The following SH3PXD2A variants were observed in gnomAD, a reference collection of about 807,000 sequenced individuals.
SH3PXD2A encodes the protein SH3 and PX domain-containing protein 2A.
Under a neutral mutation model 115.2 loss-of-function variants are expected in SH3PXD2A, and 32 were observed. The ratio of observed to expected loss-of-function variants is 0.28; its 90% CI spans 0.21 to 0.37. SH3PXD2A has a LOEUF of 0.37. Ranked by LOEUF, SH3PXD2A falls within the 10% of genes least tolerant of loss-of-function variation. The pLI, the probability that SH3PXD2A is intolerant of heterozygous loss-of-function variation, is 1.00. For synonymous variants in SH3PXD2A, 610 were observed against 629.1 expected (o/e 0.97, Z 0.45); for missense variants, 1,328 against 1,498.7 (o/e 0.89, Z 1.88).
Position 103,765,070 on chromosome 10 carries a change from C to G in SH3PXD2A, c.229+2024G>C, listed in dbSNP as rs952325005. Among the ~76,000 whole-genome samples the G allele has an allele frequency of 5.9e-5, 9 of 152,292 alleles. No homozygotes were observed. In the South Asian group the frequency reaches 1.7e-3, roughly 28 times the overall value. On this transcript the variant is annotated intron_variant, in intron 3 of 14. Transcript: ENST00000369774. ...TTATTTTATGCTTGAAACAGCCCCA[C>G]GAAGTACATTCTATCATTATCCCCA...
chr10:103,626,365 C>T (rs1350226954), intron 9 of SH3PXD2A, among the ~76,000 whole-genome samples: 1 of 152,222 alleles, frequency 6.6e-6, no homozygotes, highest in Non-Finnish European at 1.5e-5. Context: ...CCATCCCCAC[C>T]AACCGTTAGG....
At chr10:103,810,941 G>GGCGC (rs1201418207) in intron 1 of SH3PXD2A, among the ~76,000 whole-genome samples, 1 of 4,256 alleles carries the variant, frequency 2.3e-4, no homozygotes, top group African/African-American at 7.4e-4. Flanking sequence ...CATGGACACA[G>GGCGC]GCGCGCGCGC....
chr10:103,764,375 G>A (rs2134221354), intron 3 of SH3PXD2A, among the ~76,000 whole-genome samples: 1 of 152,262 alleles, frequency 6.6e-6, no homozygotes, highest in South Asian at 2.1e-4. Context: ...CCTGGAGAGT[G>A]AGTGAGCTGA....
chr10:103,805,140 C>T (rs2039188998), intron 1 of SH3PXD2A, among the ~76,000 whole-genome samples: 1 of 152,240 alleles, frequency 6.6e-6, no homozygotes, highest in African/African-American at 2.4e-5. Context: ...CACACATCCT[C>T]CATCCCACTA....
intron 6 of SH3PXD2A, among the ~76,000 whole-genome samples, chr10:103,684,861 T>C (rs2037657241): frequency 6.6e-6 from 1 of 151,410 alleles, no homozygotes; most frequent in Non-Finnish European, 1.5e-5. Flanking sequence ...AGACCCTGTC[T>C]CTACAAAAAC....
At chr10:103,795,199 T>C (rs118183993) in intron 2 of SH3PXD2A, among the ~76,000 whole-genome samples, 4,094 of 152,350 alleles carry the variant, frequency 0.027, 74 homozygotes, top group Non-Finnish European at 0.039. Context: ...TTTATTTCAT[T>C]TAATTTTTAA....
Position 103,602,825 on chromosome 10 carries a change from T to C in SH3PXD2A, c.2393A>G (p.Glu798Gly). Residue 798 changes from glutamate to glycine, a missense_variant, in exon 15 of 15, where the codon GAG becomes GGG. Around this residue, in one of 5 missense-constraint regions of SH3PXD2A, gnomAD observed 574 missense variants for 565.7 expected, o/e 1.01. Coordinates refer to ENST00000369774, the MANE Select transcript of SH3PXD2A (RefSeq NM_001394015.1). ...LRGGLKGSKS[E>G]DSELPPQTAS... ...CGTCTGCGGGGGCAGCTCCGAATCC[T>C]CACTCTTGGAGCCCTTGAGCCCTCC... 1 of 1,614,122 alleles carries C rather than the reference T, an allele frequency of 6.2e-7. No homozygotes were observed. Among genetic ancestry groups the C allele is most frequent in the South Asian group, 1.1e-5 (1 of 91,074 alleles).
In SH3PXD2A at chr10:103,622,557, G is replaced by A; in HGVS notation, c.719-4C>T. 2.6e-6 allele frequency: 4 copies of A among 1,548,192 alleles called. No homozygotes were observed. Among genetic ancestry groups the A allele is most frequent in the Non-Finnish European group, 3.5e-6 (4 of 1,144,972 alleles). On this transcript the variant is annotated splice_polypyrimidine_tract_variant and splice_region_variant and intron_variant, in intron 9 of 14. Coordinates refer to ENST00000369774, the MANE Select transcript of SH3PXD2A (RefSeq NM_001394015.1). ...TGGGCCTTGCGTCTCTTGGACACTG[G>A]TGTGGGAGATGGCGATGGAGCATGC...
chr10:103,687,880 C>T (rs2037699186), intron 6 of SH3PXD2A, among the ~76,000 whole-genome samples: 1 of 152,202 alleles, frequency 6.6e-6, no homozygotes, highest in African/African-American at 2.4e-5. Flanking sequence ...CCTACTGCAT[C>T]ATGAGCAGCC....
At position 103,826,831 on chromosome 10, in the gene SH3PXD2A, A is replaced by C. The variant is rs561446898; in HGVS notation, c.73-25469T>G. ...TTAATAAATGCTGGTTGGAAGAGCA[A>C]AAGATCAGATGAGATAACGGACATG... On this transcript the variant is annotated intron_variant, in intron 1 of 14. Transcript: ENST00000369774. Among the ~76,000 whole-genome samples the C allele has an allele frequency of 2.5e-4, 38 of 152,346 alleles. 1 individual carries two copies. In the East Asian group the frequency reaches 2.5e-3, roughly 10 times the overall value.
At chr10:103,616,317 T>C (rs2036517936) in intron 11 of SH3PXD2A, among the ~76,000 whole-genome samples, 1 of 152,076 alleles carries the variant, frequency 6.6e-6, no homozygotes, top group African/African-American at 2.4e-5. Flanking sequence ...TATAGGACTA[T>C]CCCTGTCAGC....
At chr10:103,664,206 C>T (rs1318706754) in intron 7 of SH3PXD2A, among the ~76,000 whole-genome samples, 3 of 152,318 alleles carry the variant, frequency 2.0e-5, no homozygotes, top group Middle Eastern at 3.4e-3. Context: ...CCTCCTTTCC[C>T]AGTGTGGGGG....
chr10:103,604,252 G>C (rs545480620), intron 14 of SH3PXD2A, among the ~76,000 whole-genome samples: 1 of 152,342 alleles, frequency 6.6e-6, no homozygotes, highest in South Asian at 2.1e-4. Flanking sequence ...GGAAGATGCA[G>C]ATGAAGTGAC....
At chr10:103,647,833 G>A (rs745475950) in intron 8 of SH3PXD2A, among the ~76,000 whole-genome samples, 28 of 152,138 alleles carry the variant, frequency 1.8e-4, no homozygotes, top group Non-Finnish European at 2.9e-4. Context: ...CCAGTGCTCC[G>A]GAGCAGCGTC....
intron 3 of SH3PXD2A, among the ~76,000 whole-genome samples, chr10:103,766,263 G>C (rs1028547228): frequency 2.0e-5 from 3 of 152,322 alleles, no homozygotes; most frequent in South Asian, 2.1e-4. Context: ...GCAGGTCCAG[G>C]GCCAGTCTGA....
intron 1 of SH3PXD2A, among the ~76,000 whole-genome samples, chr10:103,801,563 A>T (rs1040905041): frequency 6.6e-6 from 1 of 151,778 alleles, no homozygotes; most frequent in Admixed American, 6.6e-5. Context: ...ACACACACAC[A>T]CACATACCCC....
At position 103,613,193 on chromosome 10, in the gene SH3PXD2A, G is replaced by A; in HGVS notation, c.921-3C>T. The A allele has an allele frequency of 6.3e-7, 1 of 1,586,176 alleles. No individual in the cohort carries two copies. The highest frequency in any genetic ancestry group is 1.2e-5 in the South Asian group (1 of 85,230). On this transcript the variant is annotated splice_polypyrimidine_tract_variant and splice_region_variant and intron_variant, in intron 11 of 14. Transcript: ENST00000369774. ...CCCAGCCCTCTTTGCCCAGGTATCT[G>A]TGGGGAGGAGCAGGATGTGCTATCA...
Position 103,661,797 on chromosome 10 carries a change from C to T in SH3PXD2A, c.473-683G>A, listed in dbSNP as rs137904696. ...CCCTTAAATAGAAACACATGAGACC[C>T]GTCGAATGAGGAGCCGGGGGTGGAG... On this transcript the variant is annotated intron_variant, in intron 7 of 14. Transcript: ENST00000369774. 2.5e-4 allele frequency: 250 copies of T among 985,172 alleles called. 1 individual carries two copies. Among genetic ancestry groups the T allele is most frequent in the South Asian group, 2.5e-3 (53 of 21,272 alleles). 61.0% of individuals were successfully genotyped at this position (985,172 alleles called of 1,614,324 possible).
chr10:103,691,326 T>C (rs1434857627), intron 6 of SH3PXD2A, among the ~76,000 whole-genome samples: 1 of 152,096 alleles, frequency 6.6e-6, no homozygotes, highest in East Asian at 1.9e-4. Context: ...CAGATAACAT[T>C]AGCATTTTTG....
Sources: allele counts gnomAD v4.1 joint callset (sites outside exome capture counted in the v4.1 genomes callset), GRCh38; gene constraint gnomAD v4.1.1; regional missense constraint gnomAD v4.1.1; transcripts MANE v1.5; gene names NCBI Gene and HGNC (gene_info 2026-07-23, HGNC 2026-07-21).